Variants in PCDH15 observed in about 807,000 individuals in gnomAD.
PCDH15 encodes the protein protocadherin-15.
Under a neutral mutation model 178.5 loss-of-function variants are expected in PCDH15, and 129 were observed. That is an observed-to-expected ratio of 0.72 (90% CI 0.63 to 0.84). The LOEUF (loss-of-function observed/expected upper bound fraction) is 0.84, where lower values mean the gene tolerates loss of function less well. PCDH15 is among the 40% of genes least tolerant of loss of function. The probability of loss-of-function intolerance (pLI) is 0.00; values close to 1 mark genes in which losing one functional copy is unlikely to be tolerated. For missense variants in PCDH15, 2,230 were observed against 2,099.9 expected (o/e 1.06, Z -1.21); for synonymous variants, 800 against 732.0 (o/e 1.09, Z -1.50).
chr10:55,048,725 T>C (rs1841077602), intron 2 of PCDH15, among the ~76,000 whole-genome samples: 1 of 151,924 alleles, frequency 6.6e-6, no homozygotes, highest in African/African-American at 2.4e-5. Context: ...AATATATTTT[T>C]ATTTCAATGT....
chr10:54,011,271 C>T (rs958297330), intron 20 of PCDH15, among the ~76,000 whole-genome samples: 2 of 152,186 alleles, frequency 1.3e-5, no homozygotes, highest in Non-Finnish European at 2.9e-5. Context: ...AGTGCTTTAG[C>T]CACACCTCCA....
intron 1 of PCDH15, among the ~76,000 whole-genome samples, chr10:55,216,249 C>T (rs1840699039): frequency 6.6e-6 from 1 of 151,860 alleles, no homozygotes; most frequent in South Asian, 2.1e-4. Flanking sequence ...ATATTTGGGT[C>T]TGAAATAACT....
intron 25 of PCDH15, among the ~76,000 whole-genome samples, chr10:53,906,709 A>T (rs1363378442): frequency 1.3e-5 from 2 of 152,202 alleles, no homozygotes; most frequent in African/African-American, 4.8e-5. Context: ...GAAGTTGTAG[A>T]GCCTTTAAAG....
At chr10:54,817,605 T>C (rs1247463018) in intron 3 of PCDH15, among the ~76,000 whole-genome samples, 1 of 152,082 alleles carries the variant, frequency 6.6e-6, no homozygotes, top group Non-Finnish European at 1.5e-5. Flanking sequence ...AGTGAGATAG[T>C]TCTATGATGA....
chr10:53,831,061 C>T (rs1164908360), intron 30 of PCDH15: 1 of 703,814 alleles, frequency 1.4e-6, no homozygotes, highest in African/African-American at 1.7e-5. Context: ...GCCACAGGAA[C>T]TAAGGTGATA....
chr10:54,916,781 T>C (rs1179572413), intron 2 of PCDH15, among the ~76,000 whole-genome samples: 1 of 150,484 alleles, frequency 6.6e-6, no homozygotes, highest in Non-Finnish European at 1.5e-5. Flanking sequence ...AAGATTAAAA[T>C]TGGTAATATT....
At chr10:54,273,180 T>C (rs550363114) in intron 8 of PCDH15, among the ~76,000 whole-genome samples, 37 of 152,236 alleles carry the variant, frequency 2.4e-4, no homozygotes, top group African/African-American at 8.7e-4. Flanking sequence ...ATGTAATTTA[T>C]TGTTCAAAGA....
At chr10:54,359,831 A>G (rs1945714155) in intron 5 of PCDH15, among the ~76,000 whole-genome samples, 1 of 152,126 alleles carries the variant, frequency 6.6e-6, no homozygotes. Flanking sequence ...AAAAGCTAAA[A>G]TATTTAAAAA....
At chr10:54,475,242 T>C (rs1589606543) in intron 3 of PCDH15, among the ~76,000 whole-genome samples, 1 of 152,136 alleles carries the variant, frequency 6.6e-6, no homozygotes, top group East Asian at 1.9e-4. Flanking sequence ...CCAGTGATTA[T>C]TGCACTGTAT....
At chr10:55,591,236 C>T (rs1328186390) in intron 2 of PCDH15, among the ~76,000 whole-genome samples, 1 of 152,046 alleles carries the variant, frequency 6.6e-6, no homozygotes, top group Non-Finnish European at 1.5e-5. Flanking sequence ...AGTTTGAGAA[C>T]AGCCTGTACA....
At chr10:54,481,667 G>T (rs1280672557) in intron 3 of PCDH15, among the ~76,000 whole-genome samples, 1 of 151,634 alleles carries the variant, frequency 6.6e-6, no homozygotes, top group Non-Finnish European at 1.5e-5. Context: ...GTTAACATTG[G>T]TAATTTCTGG....
intron 1 of PCDH15, among the ~76,000 whole-genome samples, chr10:55,181,586 G>A (rs535095910): frequency 2.4e-4 from 36 of 151,882 alleles, no homozygotes; most frequent in East Asian, 9.7e-4. Context: ...ATTTATTGAC[G>A]ATAATTTTCT....
intron 25 of PCDH15, among the ~76,000 whole-genome samples, chr10:53,904,473 T>TA (rs1453462618): frequency 6.6e-6 from 1 of 151,792 alleles, no homozygotes; most frequent in Non-Finnish European, 1.5e-5. Flanking sequence ...ATAGTCTTTT[T>TA]TTTTTTTTTG....
chr10:54,521,333 A>G (rs571150793), intron 3 of PCDH15, among the ~76,000 whole-genome samples: 26 of 152,298 alleles, frequency 1.7e-4, no homozygotes, highest in African/African-American at 6.0e-4. Context: ...AAGATACTGA[A>G]TAAACTCCTT....
chr10:54,979,359 A>C (rs1839159592), intron 2 of PCDH15, among the ~76,000 whole-genome samples: 1 of 152,112 alleles, frequency 6.6e-6, no homozygotes, highest in African/African-American at 2.4e-5. Flanking sequence ...CAAGAGGGAG[A>C]CTAGGATCCA....
chr10:55,509,203 T>C (rs1169889708), intron 2 of PCDH15, among the ~76,000 whole-genome samples: 2 of 151,680 alleles, frequency 1.3e-5, no homozygotes, highest in Non-Finnish European at 2.9e-5. Flanking sequence ...AGAACAATGA[T>C]CTGAAATGCC....
chr10:55,455,266 A>ATGC (rs2132085807), intron 2 of PCDH15, among the ~76,000 whole-genome samples: 1 of 152,296 alleles, frequency 6.6e-6, no homozygotes, highest in South Asian at 2.1e-4. Flanking sequence ...TTGTGGAAGC[A>ATGC]TGCAGTCATC....
At chr10:55,001,100 G>T (rs1483590743) in intron 2 of PCDH15, among the ~76,000 whole-genome samples, 1 of 151,790 alleles carries the variant, frequency 6.6e-6, no homozygotes, top group Non-Finnish European at 1.5e-5. Context: ...ACATTCACAG[G>T]GACAACTTGC....
chr10:55,034,562 T>C (rs1840690902), intron 2 of PCDH15, among the ~76,000 whole-genome samples: 4 of 152,196 alleles, frequency 2.6e-5, no homozygotes, highest in Admixed American at 2.6e-4. Context: ...TATTTCACTT[T>C]AGGCACAAAC....
Sources: allele counts gnomAD v4.1 joint callset (sites outside exome capture counted in the v4.1 genomes callset), GRCh38; gene constraint gnomAD v4.1.1; transcripts MANE v1.5; gene names NCBI Gene and HGNC (gene_info 2026-07-23, HGNC 2026-07-21).